The following SENP3 variants were observed in gnomAD, a reference collection of about 807,000 sequenced individuals.
The protein encoded by SENP3 is SUMO specific peptidase 3.
In SENP3, 11 loss-of-function variants were observed where a neutral mutation model predicts 66.2. The ratio of observed to expected loss-of-function variants is 0.17; its 90% CI spans 0.10 to 0.28. The LOEUF (loss-of-function observed/expected upper bound fraction) is 0.28, where lower values mean the gene tolerates loss of function less well. Among genes scored for constraint, SENP3 ranks in the 10% least tolerant of loss-of-function variants. SENP3 has a pLI of 1.00. For synonymous variants in SENP3, 292 were observed against 277.6 expected, an observed-to-expected ratio of 1.05 and a Z score of -0.52; for missense variants, 548 against 743.7, an observed-to-expected ratio of 0.74 and a Z score of 3.06.
chr17:7,563,547 G>A lies in SENP3; in HGVS notation c.471G>A (p.Arg157=). The A allele has an allele frequency of 6.5e-7, 1 of 1,550,026 alleles. No individual in the cohort carries two copies. Among genetic ancestry groups the A allele is most frequent in the East Asian group, 2.4e-5 (1 of 40,940 alleles). The change falls in exon 2 of 11, where the codon CGG becomes CGA. Residue 157 remains arginine (R), a synonymous_variant. Transcript: ENST00000321337. ...AGCTTTGGGGGCGCCACCGGGGCCG[G>A]CGGCGGGGCCTCGCACACCCCAAGA... ...HWKLWGRHRG[R]RRGLAHPKNH...
rs201323747 is a variant in SENP3, at chr17:7,563,746, G to T, written c.670G>T (p.Asp224Tyr). 123 of 1,589,348 alleles carry T rather than the reference G, an allele frequency of 7.7e-5. 1 individual carries two copies. In the African/African-American group the frequency reaches 1.5e-3, roughly 19 times the overall value. ...GCCCTCTGGGCCCCCCATGGAGGAA[G>T]ATGGACTCAGGTGGACTCCAAAGTC... ...PVPSGPPMEE[D>Y]GLRWTPKSPL... Residue 224 changes from aspartate to tyrosine, a missense_variant, in exon 2 of 11, where the codon GAT (aspartate) becomes TAT (tyrosine). By Grantham distance (160) the Asp-to-Tyr change is radical. Coordinates refer to ENST00000321337, the MANE Select transcript of SENP3 (RefSeq NM_015670.6).
At chr17:7,564,897 C>G (rs2071255862) in intron 3 of SENP3, 33 bp downstream of exon 3, 2 of 1,602,938 alleles carry the variant, frequency 1.2e-6, no homozygotes, top group Non-Finnish European at 1.7e-6. Flanking sequence ...GCCTCTCTCC[C>G]TTCTCCGACT....
Position 7,563,545 on chromosome 17 carries a change from C to G in SENP3, c.469C>G (p.Arg157Gly). Residue 157 changes from arginine (R) to glycine (G), a missense_variant, in exon 2 of 11, where the codon CGG becomes GGG. Arg to Gly is a moderately radical substitution (Grantham distance 125, BLOSUM62 -2). Around this residue, in one of 6 missense-constraint regions of SENP3, gnomAD observed 215 missense variants for 230.7 expected, o/e 0.93. Coordinates refer to ENST00000321337, the MANE Select transcript of SENP3 (RefSeq NM_015670.6). ...HWKLWGRHRG[R>G]RRGLAHPKNH... is the part of the protein sequence containing the mutation. ...GAAGCTTTGGGGGCGCCACCGGGGC[C>G]GGCGGCGGGGCCTCGCACACCCCAA... The G allele has an allele frequency of 6.5e-7, 1 of 1,549,990 alleles. No homozygotes were observed. Among genetic ancestry groups the G allele is most frequent in the Non-Finnish European group, 8.7e-7 (1 of 1,147,048 alleles).
rs760786721 is a variant in SENP3 at position 7,570,376 on chromosome 17, G to A, written c.1362G>A (p.Glu454=). 2.5e-6 allele frequency: 4 copies of A among 1,613,660 alleles called. No homozygotes were observed. In the African/African-American group the frequency reaches 5.3e-5, roughly 22 times the overall value. Residue 454 remains glutamate, a synonymous_variant, in exon 8 of 11, where the codon GAG becomes GAA. Transcript: ENST00000321337. This position sits in a 1 kb window ranked among gnomAD's most constrained non-coding sequence, Gnocchi z 5.4. ...TTTAGGTGGACATCTTCAATAAGGA[G>A]CTACTGCTAATCCCCATCCACCTGG... ...WTKNVDIFNK[E]LLLIPIHLEV...
At chr17:7,568,984 C>T (rs899911435) in intron 7 of SENP3, among the ~76,000 whole-genome samples, 3 of 152,158 alleles carry the variant, frequency 2.0e-5, no homozygotes, top group Non-Finnish European at 4.4e-5. Context: ...CTGTGTCCAC[C>T]GCAAAATTGC....
In SENP3 at chr17:7,570,588, G is replaced by A. The variant is rs2071304951; in HGVS notation, c.1480-93G>A. 6 of 1,566,952 alleles carry A rather than the reference G, an allele frequency of 3.8e-6. No homozygotes were observed. The highest frequency in any genetic ancestry group is 3.5e-6 in the Non-Finnish European group (4 of 1,151,906). On this transcript the variant is annotated intron_variant, in intron 8 of 10. Coordinates refer to ENST00000321337, the MANE Select transcript of SENP3 (RefSeq NM_015670.6). This position sits in a 1 kb window ranked among gnomAD's most constrained non-coding sequence, Gnocchi z 5.4. ...GGTGGGCTTTGGGTCTTTGAGGGGC[G>A]ACCTGGGCATGGTGTCTGCCAGCAC...
chr17:7,571,440 G>A lies in SENP3; in HGVS notation c.1682G>A (p.Arg561Gln), dbSNP rs558199926. 4 of 1,613,322 alleles carry A rather than the reference G, an allele frequency of 2.5e-6. No individual in the cohort carries two copies. The highest frequency in any genetic ancestry group is 1.3e-5 in the African/African-American group (1 of 74,766). Residue 561 changes from arginine (R) to glutamine (Q), a missense_variant, in exon 11 of 11, where the codon CGG becomes CAG. Transcript: ENST00000321337. ...CAGCAGGACATGCCCAAACTTCGTC[G>A]GCAGATCTACAAGGAGCTGTGTCAC... ...FTQQDMPKLR[R>Q]QIYKELCHCK...
chr17:7,566,342 C>G (rs887761732), intron 6 of SENP3, among the ~76,000 whole-genome samples: 2 of 101,944 alleles, frequency 2.0e-5, no homozygotes, highest in Admixed American at 2.2e-4. Context: ...AATTCTGTCT[C>G]AAAAAAAAAA....
rs2071217684 is a variant in SENP3 at position 7,561,980 on chromosome 17, G to A, written c.-295G>A. On this transcript the variant is annotated 5_prime_UTR_variant, in exon 1 of 11. Coordinates refer to ENST00000321337, the MANE Select transcript of SENP3 (RefSeq NM_015670.6). This position sits in a 1 kb window ranked among gnomAD's most constrained non-coding sequence, Gnocchi z 4.4. ...CCCGGGGCTCGCGGGAGGGGAAGGA[G>A]GAGGGGGGGAGGAGTGGCGGCGGCG... is the stretch of plus-strand genomic sequence containing the variant. 5.0e-6 allele frequency: 2 copies of A among 397,814 alleles called. No homozygotes were observed. Among genetic ancestry groups the A allele is most frequent in the Admixed American group, 4.4e-5 (1 of 22,596 alleles). The allele number at this position is 397,814 out of a possible 1,614,324, so 24.6% of individuals were successfully genotyped here. A position where few individuals can be genotyped will look rare whatever the true frequency, so the allele number is the denominator to read the frequency against.
chr17:7,568,737 T>C (rs1012514174), intron 7 of SENP3, among the ~76,000 whole-genome samples: 1 of 152,204 alleles, frequency 6.6e-6, no homozygotes, highest in African/African-American at 2.4e-5. Flanking sequence ...TACCCTTTGT[T>C]AATAAACTGG....
chr17:7,567,657 A>C (rs1213052141), intron 7 of SENP3, among the ~76,000 whole-genome samples: 1 of 152,194 alleles, frequency 6.6e-6, no homozygotes, highest in Non-Finnish European at 1.5e-5. Flanking sequence ...TAGCAAGTAC[A>C]CAAGACCCAT....
chr17:7,564,904 G>A lies in SENP3; in HGVS notation c.955+40G>A, dbSNP rs779742286. 5.0e-6 allele frequency: 8 copies of A among 1,602,348 alleles called. No homozygotes were observed. In the South Asian group the frequency reaches 5.5e-5, roughly 11 times the overall value. On this transcript the variant is annotated intron_variant, in intron 3 of 10. Coordinates refer to ENST00000321337, the MANE Select transcript of SENP3 (RefSeq NM_015670.6). ...AGCAACTAGCCTCTCTCCCTTCTCC[G>A]ACTCCTAGAGGAGAGTCTGGAGGCC...
intron 6 of SENP3, among the ~76,000 whole-genome samples, chr17:7,566,360 CA>C (rs1020951938): frequency 2.8e-5 from 4 of 143,890 alleles, no homozygotes; most frequent in Admixed American, 7.0e-5. Context: ...AAAAAAAAGA[CA>C]AAAAACAACT....
chr17:7,562,773 G>A lies in SENP3; in HGVS notation c.-11-293G>A, dbSNP rs529738612. Among the ~76,000 whole-genome samples the A allele has an allele frequency of 1.3e-5, 2 of 152,158 alleles. No homozygotes were observed. The highest frequency in any genetic ancestry group is 2.9e-5 in the Non-Finnish European group (2 of 68,038). ...GCCCTGGTGGTATTAAAATAAAGAC[G>A]TAGAACCTGGCAGTGCTATTGGGTT... On this transcript the variant is annotated intron_variant, in intron 1 of 10. Coordinates refer to ENST00000321337, the MANE Select transcript of SENP3 (RefSeq NM_015670.6). The surrounding 1 kb of genome is among the most constrained non-coding windows in gnomAD (Gnocchi z 5.0).
chr17:7,566,875 G>A, intron 6 of SENP3, 52 bp from the exon 7 acceptor site: 1 of 1,283,060 alleles, frequency 7.8e-7, no homozygotes, highest in Non-Finnish European at 1.1e-6. Context: ...GACTTAGTGG[G>A]AGAGTCTGAG....
At chr17:7,568,745 T>C (rs550895624) in intron 7 of SENP3, among the ~76,000 whole-genome samples, 155 of 152,346 alleles carry the variant, frequency 1.0e-3, no homozygotes, top group Non-Finnish European at 1.7e-3. Flanking sequence ...GTTAATAAAC[T>C]GGTAAATGTG....
Position 7,563,304 on chromosome 17 carries a change from AGAGGAGGAAGAAGAGGAG to A in SENP3, c.237_254del (p.Glu80_Glu85del), listed in dbSNP as rs779875397. 1.3e-6 allele frequency: 2 copies of A among 1,552,908 alleles called. No homozygotes were observed. Among genetic ancestry groups the A allele is most frequent in the South Asian group, 2.4e-5 (2 of 84,156 alleles). On this transcript the variant is annotated inframe_deletion, in exon 2 of 11. Coordinates refer to ENST00000321337, the MANE Select transcript of SENP3 (RefSeq NM_015670.6). ...CCTCTTTTGATGCCTCAGCAAGTGAAGAGGAGGAAGAAGAGGAGGAGGAGGAGGATGAAGATGAAGAGG... is the reference window on the plus strand; with the variant it reads ...CCTCTTTTGATGCCTCAGCAAGTGAAGAGGAGGAGGATGAAGATGAAGAGG...
In SENP3 at chr17:7,571,583, C is replaced by T; in HGVS notation, c.*100C>T. The T allele has an allele frequency of 1.4e-6, 1 of 736,282 alleles. No individual in the cohort carries two copies. Among genetic ancestry groups the T allele is most frequent in the South Asian group, 1.6e-5 (1 of 61,956 alleles). 45.6% of individuals were successfully genotyped at this position (736,282 alleles called of 1,614,324 possible). On this transcript the variant is annotated 3_prime_UTR_variant, in exon 11 of 11. Coordinates refer to ENST00000321337, the MANE Select transcript of SENP3 (RefSeq NM_015670.6). ...CTTTCCTCTCTTGCCTCTTCCCACT[C>T]ACTTCCCTTTGGTTTTTCATATTTA... is the stretch of plus-strand genomic sequence containing the variant.
rs1362670638 is a variant in SENP3, at chr17:7,564,706, C to T, written c.797C>T (p.Ala266Val). ...GAGCGCAGCTTGGCACCCCCTGATG[C>T]CAGCATCCTCATCAGCAATGTGTGC... ...EGERSLAPPDASILISNVCSI... is the reference protein window; with the variant it reads ...EGERSLAPPDVSILISNVCSI... The change falls in exon 3 of 11, where the codon GCC becomes GTC. Residue 266 changes from alanine to valine, a missense_variant. Physicochemically the swap from Ala to Val is moderately conservative, Grantham distance 64 (BLOSUM62 0). Coordinates refer to ENST00000321337, the MANE Select transcript of SENP3 (RefSeq NM_015670.6). The T allele has an allele frequency of 6.2e-7, 1 of 1,614,022 alleles. No individual in the cohort carries two copies. Among genetic ancestry groups the T allele is most frequent in the South Asian group, 1.1e-5 (1 of 91,090 alleles).
Sources: gnomAD v4.1 joint callset for allele counts (sites outside exome capture counted in the v4.1 genomes callset) on GRCh38, gnomAD v4.1.1 for gene constraint, gnomAD v4.1.1 regional missense constraint, Gnocchi (gnomAD v3.1) non-coding constraint, MANE v1.5 for transcripts, NCBI Gene and HGNC (gene_info 2026-07-23, HGNC 2026-07-21) for gene names.